Variants in PIGK observed in about 807,000 individuals in gnomAD.
PIGK encodes phosphatidylinositol glycan anchor biosynthesis class K.
A neutral mutation model predicts 50.6 loss-of-function variants in PIGK; 42 were observed. The ratio of observed to expected loss-of-function variants is 0.83; its 90% CI spans 0.65 to 1.07. The LOEUF is 1.07. PIGK is among the 50% of genes least tolerant of loss of function. The pLI is 0.00. For missense variants in PIGK, 448 were observed against 488.7 expected (o/e 0.92, Z 0.78); for synonymous variants, 151 against 156.0 (o/e 0.97, Z 0.24).
At chr1:77,180,946 G>A (rs1223817220) in intron 3 of PIGK, among the ~76,000 whole-genome samples, 1 of 151,996 alleles carries the variant, frequency 6.6e-6, no homozygotes, top group Non-Finnish European at 1.5e-5. Context: ...TTTCACAGAA[G>A]CATAATTTCT....
Position 77,098,044 on chromosome 1 carries a change from T to C in PIGK, c.1072-5554A>G, listed in dbSNP as rs116641134. On this transcript the variant is annotated intron_variant, in intron 10 of 10. Coordinates refer to ENST00000370812, the MANE Select transcript of PIGK (RefSeq NM_005482.3). Reference sequence around the variant, plus strand: ...AAGACGAATAAAACAGAATAGAAACTAGACAATCAGTCCAGTATCCCAGGA... The same window carrying C: ...AAGACGAATAAAACAGAATAGAAACCAGACAATCAGTCCAGTATCCCAGGA... Among the ~76,000 whole-genome samples, 572 of 152,096 alleles carry C rather than the reference T, an allele frequency of 3.8e-3. 5 individuals are homozygous for C. The highest frequency in any genetic ancestry group is 0.013 in the African/African-American group (542 of 41,512).
chr1:77,136,840 C>A (rs1654530450), intron 9 of PIGK, among the ~76,000 whole-genome samples: 1 of 152,150 alleles, frequency 6.6e-6, no homozygotes, highest in Admixed American at 6.6e-5. Context: ...CATAACCTGT[C>A]CTAACACTTT....
intron 10 of PIGK, among the ~76,000 whole-genome samples, chr1:77,102,330 T>C (rs1471053767): frequency 6.6e-6 from 1 of 152,178 alleles, no homozygotes; most frequent in Non-Finnish European, 1.5e-5. Flanking sequence ...TGCTTTAAAA[T>C]TGAAGATTAT....
intron 10 of PIGK, among the ~76,000 whole-genome samples, chr1:77,114,318 C>A (rs959884093): frequency 1.3e-5 from 2 of 152,052 alleles, no homozygotes; most frequent in African/African-American, 4.8e-5. Context: ...AAAATGGGAA[C>A]AATTTCATCA....
chr1:77,217,035 T>A (rs1234540133), intron 1 of PIGK, among the ~76,000 whole-genome samples: 1 of 152,196 alleles, frequency 6.6e-6, no homozygotes, highest in Non-Finnish European at 1.5e-5. Context: ...TGCTGCTTTC[T>A]CTCAAGAATC....
rs1655302660 is a variant in PIGK at position 77,169,275 on chromosome 1, A to G, written c.360T>C (p.Asp120=). The G allele has an allele frequency of 1.3e-6, 2 of 1,565,274 alleles. No individual in the cohort carries two copies. Among genetic ancestry groups the G allele is most frequent in the South Asian group, 1.2e-5 (1 of 82,590 alleles). The change falls in exon 4 of 11, where the codon GAT becomes GAC. Residue 120 remains aspartate, a synonymous_variant. Coordinates refer to ENST00000370812, the MANE Select transcript of PIGK (RefSeq NM_005482.3). The part of the protein sequence containing the change: ...LNVYGDDVEV[D]YRSYEVTVEN... Reference sequence around the variant, plus strand: ...AAGAATTTACCTCGTAACTTCTATAATCCACTTCCACATCATCTCCATACA... The same window carrying G: ...AAGAATTTACCTCGTAACTTCTATAGTCCACTTCCACATCATCTCCATACA...
intron 9 of PIGK, among the ~76,000 whole-genome samples, chr1:77,138,340 A>C (rs1283738223): frequency 1.3e-5 from 2 of 152,240 alleles, no homozygotes; most frequent in African/African-American, 4.8e-5. Flanking sequence ...ACAAACAGCC[A>C]TACTGTGAAC....
chr1:77,097,781 C>T (rs1050814541), intron 10 of PIGK, among the ~76,000 whole-genome samples: 1 of 151,744 alleles, frequency 6.6e-6, no homozygotes, highest in Admixed American at 6.6e-5. Context: ...GAATAAAGGG[C>T]TCGGATTTCA....
chr1:77,149,175 A>G (rs1654838952), intron 9 of PIGK, among the ~76,000 whole-genome samples: 1 of 152,228 alleles, frequency 6.6e-6, no homozygotes, highest in Non-Finnish European at 1.5e-5. Context: ...ATAGAAAAAA[A>G]GGAAGAGAGG....
intron 10 of PIGK, among the ~76,000 whole-genome samples, chr1:77,098,785 G>A (rs1219430105): frequency 2.0e-5 from 3 of 152,010 alleles, no homozygotes; most frequent in African/African-American, 7.2e-5. Context: ...TAAGACACAA[G>A]GGTATATCAA....
chr1:77,153,675 T>C (rs920350083), intron 9 of PIGK: 2 of 152,056 alleles, frequency 1.3e-5, no homozygotes, highest in East Asian at 1.9e-4. Flanking sequence ...AAGAAAAGCA[T>C]CTTGTGCCAG....
At chr1:77,162,313 T>C (rs1655147309) in intron 6 of PIGK, among the ~76,000 whole-genome samples, 1 of 152,094 alleles carries the variant, frequency 6.6e-6, no homozygotes, top group African/African-American at 2.4e-5. Context: ...TGATGCCCAA[T>C]ACGGACAATG....
chr1:77,161,372 T>C lies in PIGK; in HGVS notation c.736A>G (p.Met246Val), dbSNP rs1655123771. The change falls in exon 8 of 11, where the codon ATG (methionine) becomes GTG (valine). Residue 246 changes from methionine to valine, a missense_variant. Transcript: ENST00000370812. ...AAGACATAAAATGTGTATCTATCCA[T>C]AAGATGGACTCCAATTGCAGGATCA... ...QPDPAIGVHLMDRYTFYVLEF... is the reference protein window; with the variant it reads ...QPDPAIGVHLVDRYTFYVLEF... The C allele has an allele frequency of 6.2e-7, 1 of 1,603,126 alleles. No homozygotes were observed. The highest frequency in any genetic ancestry group is 8.5e-7 in the Non-Finnish European group (1 of 1,170,274).
chr1:77,150,116 A>G (rs1031114104), intron 9 of PIGK, among the ~76,000 whole-genome samples: 4 of 152,180 alleles, frequency 2.6e-5, no homozygotes, highest in African/African-American at 4.8e-5. Flanking sequence ...GTTTATAGCA[A>G]TAAACGCCTA....
In PIGK at chr1:77,095,912, C is replaced by T. The variant is rs1041691419; in HGVS notation, c.1072-3422G>A. Among the ~76,000 whole-genome samples the T allele has an allele frequency of 6.6e-5, 10 of 151,976 alleles. No individual in the cohort carries two copies. In the East Asian group the frequency reaches 1.9e-3, roughly 30 times the overall value. ...CATCCACACACTCTGTTGGCAAATA[C>T]CAACAGTGTCCAAATAAAAAGGAAA... On this transcript the variant is annotated intron_variant, in intron 10 of 10. Transcript: ENST00000370812.
chr1:77,197,001 T>C (rs1656053438), intron 3 of PIGK, among the ~76,000 whole-genome samples: 1 of 152,136 alleles, frequency 6.6e-6, no homozygotes, highest in South Asian at 2.1e-4. Context: ...TATATGCCTT[T>C]TTATGATCTT....
intron 3 of PIGK, among the ~76,000 whole-genome samples, chr1:77,186,638 G>A (rs1655753630): frequency 1.3e-5 from 2 of 152,136 alleles, no homozygotes; most frequent in Admixed American, 6.5e-5. Context: ...TAGATATGAG[G>A]ACCCGTTCTG....
At chr1:77,175,103 T>C (rs1282188669) in intron 3 of PIGK, among the ~76,000 whole-genome samples, 1 of 152,102 alleles carries the variant, frequency 6.6e-6, no homozygotes, top group Non-Finnish European at 1.5e-5. Flanking sequence ...TAAAGATTAT[T>C]GGTAAAATAA....
In PIGK at chr1:77,171,436, CAAAAAAA is replaced by C. The variant is rs58788160; in HGVS notation, c.240-2048_240-2042del. On this transcript the variant is annotated intron_variant, in intron 3 of 10. Coordinates refer to ENST00000370812, the MANE Select transcript of PIGK (RefSeq NM_005482.3). ...TGGGCAACAGAGCAAGACTCCACCT[CAAAAAAA>C]AAAAAAAAAAAAAAAAAAAAGAATA... Among the ~76,000 whole-genome samples the C allele has an allele frequency of 2.2e-3, 102 of 46,882 alleles. 2 individuals carry two copies. The highest frequency in any genetic ancestry group is 3.5e-3 in the South Asian group (4 of 1,144). The allele number at this position is 46,882 out of a possible 152,430, so 30.8% of individuals were successfully genotyped here.
Sources: allele counts gnomAD v4.1 joint callset (sites outside exome capture counted in the v4.1 genomes callset), GRCh38; gene constraint gnomAD v4.1.1; transcripts MANE v1.5; gene names NCBI Gene and HGNC (gene_info 2026-07-23, HGNC 2026-07-21).